RAPGEF4: variants seen among roughly 807,000 people sequenced by gnomAD.
RAPGEF4 encodes the protein RAP guanine-nucleotide-exchange factor (GEF) 4.
A neutral mutation model predicts 147.9 loss-of-function variants in RAPGEF4; 66 were observed. The observed-to-expected ratio is 0.45, with a 90% CI of 0.37 to 0.55. The LOEUF is 0.55. RAPGEF4 is among the 20% of genes least tolerant of loss of function. The pLI is 0.00. For synonymous variants in RAPGEF4, 419 were observed against 442.7 expected, an observed-to-expected ratio of 0.95 and a Z score of 0.67; for missense variants, 1,071 against 1,257.3, an observed-to-expected ratio of 0.85 and a Z score of 2.24.
At chr2:172,943,037 G>C (rs1028684756) in intron 6 of RAPGEF4, among the ~76,000 whole-genome samples, 1 of 152,088 alleles carries the variant, frequency 6.6e-6, no homozygotes, top group Non-Finnish European at 1.5e-5. Flanking sequence ...GGTACATTTT[G>C]GTGTGGCTTG....
intron 1 of RAPGEF4, among the ~76,000 whole-genome samples, chr2:172,760,050 G>A (rs1375191132): frequency 2.0e-5 from 3 of 152,108 alleles, no homozygotes; most frequent in Admixed American, 2.0e-4. Flanking sequence ...ACAAAAAAAT[G>A]CCCCAAGAAA....
intron 1 of RAPGEF4, among the ~76,000 whole-genome samples, chr2:172,746,222 A>G (rs1694751864): frequency 6.6e-6 from 1 of 152,238 alleles, no homozygotes; most frequent in Non-Finnish European, 1.5e-5. Context: ...GGAAAATTAC[A>G]TTCTTGTTTG....
chr2:172,928,681 G>A (rs891822378), intron 6 of RAPGEF4, among the ~76,000 whole-genome samples: 4 of 151,954 alleles, frequency 2.6e-5, no homozygotes, highest in Admixed American at 6.6e-5. Context: ...TAATGCTGCC[G>A]CCATGCTGAC....
At chr2:172,769,802 C>A (rs1697189122) in intron 1 of RAPGEF4, among the ~76,000 whole-genome samples, 1 of 152,000 alleles carries the variant, frequency 6.6e-6, no homozygotes, top group African/African-American at 2.4e-5. Context: ...CCAATTATTA[C>A]AATGGGACAT....
intron 8 of RAPGEF4, among the ~76,000 whole-genome samples, chr2:172,964,154 T>C (rs1339375854): frequency 1.3e-5 from 2 of 152,180 alleles, no homozygotes; most frequent in South Asian, 2.1e-4. Context: ...GGTCTTATGT[T>C]TGGTTCAGAA....
intron 1 of RAPGEF4, among the ~76,000 whole-genome samples, chr2:172,763,190 CTCT>C (rs1273897577): frequency 6.6e-6 from 1 of 152,186 alleles, no homozygotes; most frequent in Admixed American, 6.5e-5. Flanking sequence ...TAAGTACACC[CTCT>C]TCTTCACCAT....
chr2:172,840,000 T>C (rs1331977164), intron 4 of RAPGEF4, among the ~76,000 whole-genome samples: 1 of 152,216 alleles, frequency 6.6e-6, no homozygotes, highest in Non-Finnish European at 1.5e-5. Flanking sequence ...TTTTCTGTTC[T>C]CTTAAGTGCT....
At chr2:172,770,593 A>G (rs1697258483) in intron 1 of RAPGEF4, among the ~76,000 whole-genome samples, 1 of 152,154 alleles carries the variant, frequency 6.6e-6, no homozygotes, top group African/African-American at 2.4e-5. Flanking sequence ...TCTTATTCGA[A>G]TGTACATACC....
In RAPGEF4 at chr2:173,020,689, T is replaced by G; in HGVS notation, c.2227T>G (p.Cys743Gly). The change falls in exon 23 of 31, where the codon TGC (cysteine) becomes GGC (glycine). Residue 743 changes from cysteine to glycine, a missense_variant. By Grantham distance (159) the Cys-to-Gly change is radical. Transcript: ENST00000397081. ...CACCATTAATGGACGCCTGTTTGCTTGCCCGCGAGAGCAATTCGATTCACT... is the reference window on the plus strand; with the variant it reads ...CACCATTAATGGACGCCTGTTTGCTGGCCCGCGAGAGCAATTCGATTCACT... ...TLTINGRLFA[C>G]PREQFDSLTP... 1 of 1,613,990 alleles carries G rather than the reference T, an allele frequency of 6.2e-7. No individual in the cohort carries two copies. The highest frequency in any genetic ancestry group is 8.5e-7 in the Non-Finnish European group (1 of 1,179,906).
chr2:172,870,822 C>T (rs780506251), intron 4 of RAPGEF4, among the ~76,000 whole-genome samples: 2 of 152,180 alleles, frequency 1.3e-5, no homozygotes, highest in East Asian at 1.9e-4. Context: ...TATGCAGAGA[C>T]GTATAACTAA....
At chr2:173,033,396 C>T (rs1161552528) in intron 26 of RAPGEF4, among the ~76,000 whole-genome samples, 3 of 152,060 alleles carry the variant, frequency 2.0e-5, no homozygotes, top group Non-Finnish European at 4.4e-5. Flanking sequence ...TTAGGGAGTA[C>T]TATGTACCCA....
chr2:172,951,324 C>T (rs1688190645), intron 6 of RAPGEF4, among the ~76,000 whole-genome samples: 1 of 152,172 alleles, frequency 6.6e-6, no homozygotes, highest in Non-Finnish European at 1.5e-5. Context: ...TCTTTGGGCA[C>T]CTACAATGAA....
intron 4 of RAPGEF4, among the ~76,000 whole-genome samples, chr2:172,869,024 A>G (rs191266612): frequency 1.1e-4 from 17 of 152,324 alleles, no homozygotes; most frequent in Admixed American, 8.5e-4. Flanking sequence ...TAGGTTCTCA[A>G]TAAGTGTTTG....
chr2:173,040,370 C>T (rs1191653764), intron 29 of RAPGEF4, among the ~76,000 whole-genome samples: 1 of 152,190 alleles, frequency 6.6e-6, no homozygotes, highest in East Asian at 1.9e-4. Flanking sequence ...TCAGTGGCTG[C>T]TGTTGTTACT....
intron 1 of RAPGEF4, among the ~76,000 whole-genome samples, chr2:172,745,452 C>CT (rs537490910): frequency 1.5e-4 from 22 of 146,200 alleles, no homozygotes; most frequent in East Asian, 8.0e-4. Flanking sequence ...TAATTTGTGT[C>CT]TTTTTTTTTT....
chr2:172,883,843 A>G (rs902833920), intron 4 of RAPGEF4, among the ~76,000 whole-genome samples: 1 of 152,130 alleles, frequency 6.6e-6, no homozygotes, highest in Non-Finnish European at 1.5e-5. Flanking sequence ...GATGCAAAAT[A>G]TGGTTTGGAA....
intron 4 of RAPGEF4, among the ~76,000 whole-genome samples, chr2:172,907,195 A>G (rs1165586486): frequency 1.3e-5 from 2 of 152,206 alleles, no homozygotes; most frequent in Non-Finnish European, 2.9e-5. Context: ...CTTTTGTTTC[A>G]TATTAGAAAA....
chr2:172,753,875 T>TACACAC lies in RAPGEF4; in HGVS notation c.65+17848_65+17853dup, dbSNP rs58877556. Among the ~76,000 whole-genome samples, 371 of 146,562 alleles carry TACACAC rather than the reference T, an allele frequency of 2.5e-3. 2 individuals are homozygous for TACACAC. Among genetic ancestry groups the TACACAC allele is most frequent in the East Asian group, 4.0e-3 (20 of 4,968 alleles). ...TGCATCTGAGATGTCACAGTGTATGTACACACACACACACACACACACACA... is the reference window on the plus strand; with the variant it reads ...TGCATCTGAGATGTCACAGTGTATGTACACACACACACACACACACACACACACACA... On this transcript the variant is annotated intron_variant, in intron 1 of 30. Transcript: ENST00000397081.
At chr2:172,955,968 G>A (rs992793639) in intron 6 of RAPGEF4, among the ~76,000 whole-genome samples, 6 of 152,164 alleles carry the variant, frequency 3.9e-5, no homozygotes, top group Non-Finnish European at 7.3e-5. Context: ...TGACTCTCAC[G>A]GATACTGCAG....
Sources: gnomAD v4.1 joint callset for allele counts (sites outside exome capture counted in the v4.1 genomes callset) on GRCh38, gnomAD v4.1.1 for gene constraint, MANE v1.5 for transcripts, NCBI Gene and HGNC (gene_info 2026-07-23, HGNC 2026-07-21) for gene names.